The following NCKAP5 variants were observed in gnomAD, a reference collection of about 807,000 sequenced individuals.
NCKAP5 encodes the protein NCK associated protein 5.
NCKAP5 carries 92 observed loss-of-function variants against 167.0 expected under a neutral mutation model. That is an observed-to-expected ratio of 0.55 (90% CI 0.47 to 0.66). NCKAP5 has a LOEUF of 0.66. Ranked by LOEUF, NCKAP5 falls within the 30% of genes least tolerant of loss-of-function variation. The probability of loss-of-function intolerance (pLI) is 0.00; values close to 1 mark genes in which losing one functional copy is unlikely to be tolerated. For missense variants in NCKAP5, 2,378 were observed against 2,315.0 expected, an observed-to-expected ratio of 1.03 and a Z score of -0.56; for synonymous variants, 891 against 877.4, an observed-to-expected ratio of 1.02 and a Z score of -0.27.
At chr2:133,187,704 T>C (rs2150062825) in intron 5 of NCKAP5, among the ~76,000 whole-genome samples, 2 of 152,246 alleles carry the variant, frequency 1.3e-5, no homozygotes, top group South Asian at 4.1e-4. Context: ...TTAAATTTAA[T>C]GCCATTTCTA....
intron 8 of NCKAP5, among the ~76,000 whole-genome samples, chr2:132,957,584 C>T (rs2076381538): frequency 6.8e-6 from 1 of 146,808 alleles, no homozygotes; most frequent in Non-Finnish European, 1.5e-5. Context: ...CTGATCTTGT[C>T]CTCCTGTCTC....
At chr2:133,566,222 A>G (rs1407162298) in intron 1 of NCKAP5, among the ~76,000 whole-genome samples, 1 of 110,850 alleles carries the variant, frequency 9.0e-6, no homozygotes. Context: ...AAGTGAAGAG[A>G]AGGTTCCACT....
At chr2:132,690,564 A>C (rs1404572688) in intron 19 of NCKAP5, among the ~76,000 whole-genome samples, 1 of 152,134 alleles carries the variant, frequency 6.6e-6, no homozygotes, top group Non-Finnish European at 1.5e-5. Context: ...GCCTCGGATA[A>C]AGTTGGTTTC....
chr2:133,496,022 T>C lies in NCKAP5; in HGVS notation c.69+21436A>G, dbSNP rs539286807. Among the ~76,000 whole-genome samples the C allele has an allele frequency of 7.8e-4, 119 of 152,294 alleles. 2 individuals carry two copies. The highest frequency in any genetic ancestry group is 2.6e-4 in the Admixed American group (4 of 15,296). ...AAATTTTTTTAAACCACTGTTTCAG[T>C]CAAATGTATCTAATTAAATGCTTTT... On this transcript the variant is annotated intron_variant, in intron 3 of 19. Coordinates refer to ENST00000409261, the MANE Select transcript of NCKAP5 (RefSeq NM_207363.3).
At chr2:133,051,031 C>T (rs1396413668) in intron 6 of NCKAP5, among the ~76,000 whole-genome samples, 1 of 152,188 alleles carries the variant, frequency 6.6e-6, no homozygotes, top group East Asian at 1.9e-4. Context: ...CTTTAATACT[C>T]TGAAGGTAAA....
At chr2:133,165,957 C>T (rs1336444442) in intron 5 of NCKAP5, among the ~76,000 whole-genome samples, 1 of 152,186 alleles carries the variant, frequency 6.6e-6, no homozygotes, top group Non-Finnish European at 1.5e-5. Flanking sequence ...TGAGTGCCTG[C>T]TCTACGCTGT....
At chr2:132,743,018 AGATT>A (rs1304204832) in intron 16 of NCKAP5, among the ~76,000 whole-genome samples, 3 of 152,030 alleles carry the variant, frequency 2.0e-5, no homozygotes, top group African/African-American at 7.2e-5. Flanking sequence ...AAATATATAT[AGATT>A]TTTGCTTCCA....
intron 11 of NCKAP5, among the ~76,000 whole-genome samples, chr2:132,822,005 A>G (rs766889778): frequency 6.6e-6 from 1 of 152,178 alleles, no homozygotes; most frequent in Non-Finnish European, 1.5e-5. Flanking sequence ...CTGAAAAACC[A>G]AAATACTCTG....
chr2:133,454,098 C>A (rs1196096811), intron 3 of NCKAP5, among the ~76,000 whole-genome samples: 1 of 151,970 alleles, frequency 6.6e-6, no homozygotes, highest in South Asian at 2.1e-4. Flanking sequence ...AACAAACAAA[C>A]TGGTTGCCTA....
intron 5 of NCKAP5, among the ~76,000 whole-genome samples, chr2:133,149,533 C>T (rs890367900): frequency 6.8e-6 from 1 of 147,492 alleles, no homozygotes; most frequent in Non-Finnish European, 1.5e-5. Flanking sequence ...GCAACAAATA[C>T]CTATCTTGGA....
chr2:133,162,082 T>C (rs971389806), intron 5 of NCKAP5, among the ~76,000 whole-genome samples: 2 of 152,238 alleles, frequency 1.3e-5, no homozygotes, highest in East Asian at 1.9e-4. Flanking sequence ...CCCTCTTGTA[T>C]AGTTCATATA....
the NCKAP5 span, among the ~76,000 whole-genome samples, chr2:133,637,781 G>T: frequency 6.6e-6 from 1 of 152,008 alleles, no homozygotes; most frequent in African/African-American, 2.4e-5. Context: ...ACATACATGC[G>T]ATTAGAGTTC....
intron 3 of NCKAP5, among the ~76,000 whole-genome samples, chr2:133,468,965 A>G (rs1474461807): frequency 6.6e-6 from 1 of 152,070 alleles, no homozygotes; most frequent in Non-Finnish European, 1.5e-5. Flanking sequence ...TCTTGATCCA[A>G]TTTGCCAGTC....
At chr2:132,886,038 T>G (rs1239220966) in intron 8 of NCKAP5, among the ~76,000 whole-genome samples, 2 of 152,236 alleles carry the variant, frequency 1.3e-5, no homozygotes, top group African/African-American at 4.8e-5. Context: ...CTTCCTGGGC[T>G]GTACCTTTGG....
chr2:132,828,589 C>T (rs1389738205), intron 11 of NCKAP5, among the ~76,000 whole-genome samples: 1 of 152,194 alleles, frequency 6.6e-6, no homozygotes, highest in African/African-American at 2.4e-5. Flanking sequence ...AATTAAACCT[C>T]TTTTCTTTAT....
At chr2:133,158,108 G>A (rs62180665) in intron 5 of NCKAP5, among the ~76,000 whole-genome samples, 4,025 of 152,220 alleles carry the variant, frequency 0.026, 83 homozygotes, top group Non-Finnish European at 0.043. Context: ...AACAAAAATC[G>A]GACACTTGTC....
At chr2:132,962,593 TTTTGTTTG>T (rs201304749) in intron 8 of NCKAP5, among the ~76,000 whole-genome samples, 3 of 151,926 alleles carry the variant, frequency 2.0e-5, no homozygotes, top group South Asian at 2.1e-4. Flanking sequence ...CTTTTTGTTT[TTTTGTTTG>T]TTTGTTTGTT....
chr2:133,366,325 C>CA (rs1482375099), intron 3 of NCKAP5, among the ~76,000 whole-genome samples: 5 of 152,110 alleles, frequency 3.3e-5, no homozygotes, highest in Admixed American at 6.5e-5. Flanking sequence ...GTTGTTAAGA[C>CA]AGAGTCTTGC....
intron 5 of NCKAP5, among the ~76,000 whole-genome samples, chr2:133,147,902 C>G (rs74488553): frequency 0.024 from 3,588 of 152,162 alleles, 74 homozygotes; most frequent in Non-Finnish European, 0.038. Flanking sequence ...AACATACCTT[C>G]TCTCTTGGAA....
Sources: gnomAD v4.1 joint callset for allele counts (sites outside exome capture counted in the v4.1 genomes callset) on GRCh38, gnomAD v4.1.1 for gene constraint, MANE v1.5 for transcripts, NCBI Gene and HGNC (gene_info 2026-07-23, HGNC 2026-07-21) for gene names.